The following CACNA2D1 variants were observed in gnomAD, a reference collection of about 807,000 sequenced individuals.
The protein encoded by CACNA2D1 is calcium voltage-gated channel auxiliary subunit alpha2delta 1.
CACNA2D1 carries 53 observed loss-of-function variants against 171.5 expected under a neutral mutation model. The ratio of observed to expected loss-of-function variants is 0.31; its 90% CI spans 0.25 to 0.39. The LOEUF (loss-of-function observed/expected upper bound fraction) is 0.39, where lower values mean the gene tolerates loss of function less well. Ranked by LOEUF, CACNA2D1 falls within the 10% of genes least tolerant of loss-of-function variation. CACNA2D1 has a pLI of 1.00. For synonymous variants in CACNA2D1, 442 were observed against 443.1 expected (o/e 1.00, Z 0.03); for missense variants, 903 against 1,299.8 (o/e 0.69, Z 4.69).
In CACNA2D1 at chr7:82,007,772, G is replaced by C; in HGVS notation, c.1363-16C>G. 1 of 1,413,702 alleles carries C rather than the reference G, an allele frequency of 7.1e-7. No individual in the cohort carries two copies. The highest frequency in any genetic ancestry group is 1.0e-6 in the Non-Finnish European group (1 of 997,704). The allele number at this position is 1,413,702 out of a possible 1,614,324, so 87.6% of individuals were successfully genotyped here. ...GTCCCAGTTCCTAAAAATAGATTCAGAGAGAAAGGGCAAATTAAAATTACA... is the reference window on the plus strand; with the variant it reads ...GTCCCAGTTCCTAAAAATAGATTCACAGAGAAAGGGCAAATTAAAATTACA... On this transcript the variant is annotated splice_polypyrimidine_tract_variant and intron_variant, in intron 15 of 38. Coordinates refer to ENST00000356860, the MANE Select transcript of CACNA2D1 (RefSeq NM_000722.4).
intron 3 of CACNA2D1, among the ~76,000 whole-genome samples, chr7:82,241,265 C>T (rs1402339759): frequency 1.3e-5 from 2 of 152,170 alleles, no homozygotes; most frequent in Non-Finnish European, 2.9e-5. Context: ...AACAGATTAT[C>T]ACTTATTAAA....
intron 3 of CACNA2D1, among the ~76,000 whole-genome samples, chr7:82,305,196 G>A (rs1387511289): frequency 6.6e-6 from 1 of 152,096 alleles, no homozygotes; most frequent in Non-Finnish European, 1.5e-5. Context: ...ACTGTATTTT[G>A]TAAGAGTCTC....
intron 3 of CACNA2D1, among the ~76,000 whole-genome samples, chr7:82,249,942 A>G (rs1805425977): frequency 6.6e-6 from 1 of 152,250 alleles, no homozygotes; most frequent in South Asian, 2.1e-4. Flanking sequence ...TTAGAAAACC[A>G]TGGACTGGGT....
At chr7:82,393,940 A>G (rs1825491301) in intron 1 of CACNA2D1, among the ~76,000 whole-genome samples, 1 of 152,212 alleles carries the variant, frequency 6.6e-6, no homozygotes, top group Admixed American at 6.5e-5. Context: ...CTTTGTTGAA[A>G]TGAGAATTAG....
chr7:82,275,704 A>G (rs1216364900), intron 3 of CACNA2D1, among the ~76,000 whole-genome samples: 2 of 152,196 alleles, frequency 1.3e-5, no homozygotes, highest in African/African-American at 2.4e-5. Flanking sequence ...ACAGGAAGGC[A>G]AAGAGTAGCA....
intron 2 of CACNA2D1, among the ~76,000 whole-genome samples, chr7:82,345,236 G>A (rs1563402424): frequency 2.0e-5 from 3 of 152,062 alleles, no homozygotes; most frequent in Non-Finnish European, 4.4e-5. Flanking sequence ...TACCTTAATT[G>A]AGAGTGTTGA....
intron 3 of CACNA2D1, among the ~76,000 whole-genome samples, chr7:82,278,157 T>A (rs1440799740): frequency 3.3e-5 from 5 of 152,182 alleles, no homozygotes; most frequent in Non-Finnish European, 7.3e-5. Context: ...GATTCCCATA[T>A]AAAAATAGGA....
intron 6 of CACNA2D1, among the ~76,000 whole-genome samples, chr7:82,096,832 T>C (rs993092828): frequency 1.3e-5 from 2 of 152,016 alleles, no homozygotes; most frequent in Non-Finnish European, 2.9e-5. Flanking sequence ...TAAAAATCAC[T>C]ATTTAATAAT....
At chr7:81,953,508 A>G (rs1053099789) in intron 38 of CACNA2D1, among the ~76,000 whole-genome samples, 3 of 152,010 alleles carry the variant, frequency 2.0e-5, no homozygotes, top group Non-Finnish European at 2.9e-5. Context: ...CTCTCCAGGT[A>G]GGGTAAACAG....
intron 3 of CACNA2D1, among the ~76,000 whole-genome samples, chr7:82,242,475 A>C (rs957272584): frequency 4.6e-5 from 7 of 152,134 alleles, no homozygotes; most frequent in Non-Finnish European, 1.5e-5. Context: ...CTTTCAGTCA[A>C]ACAAAGAATT....
intron 4 of CACNA2D1, among the ~76,000 whole-genome samples, chr7:82,167,344 T>G (rs928436676): frequency 3.9e-5 from 6 of 152,060 alleles, no homozygotes; most frequent in African/African-American, 1.4e-4. Flanking sequence ...GATTTATAAG[T>G]TTCAACCACG....
At chr7:82,054,030 A>G (rs1805520858) in intron 10 of CACNA2D1, among the ~76,000 whole-genome samples, 1 of 152,210 alleles carries the variant, frequency 6.6e-6, no homozygotes, top group African/African-American at 2.4e-5. Flanking sequence ...ATTAGTTAAC[A>G]ATTTTCTTCA....
chr7:82,205,573 A>C (rs899321866), intron 3 of CACNA2D1, among the ~76,000 whole-genome samples: 6 of 152,296 alleles, frequency 3.9e-5, no homozygotes, highest in African/African-American at 1.4e-4. Context: ...TAGAATACAC[A>C]CACACACATA....
intron 5 of CACNA2D1, among the ~76,000 whole-genome samples, chr7:82,120,414 T>C (rs1326580792): frequency 6.6e-6 from 1 of 152,180 alleles, no homozygotes; most frequent in Non-Finnish European, 1.5e-5. Context: ...TCGATTACTA[T>C]CCTCAATATC....
chr7:82,158,562 T>C (rs927896145), intron 4 of CACNA2D1, among the ~76,000 whole-genome samples: 32 of 151,986 alleles, frequency 2.1e-4, no homozygotes, highest in African/African-American at 2.4e-5. Context: ...TTGTAAACAA[T>C]GTGACATTAC....
chr7:82,130,321 A>G (rs918724157), intron 5 of CACNA2D1, among the ~76,000 whole-genome samples: 2 of 152,204 alleles, frequency 1.3e-5, no homozygotes, highest in African/African-American at 4.8e-5. Context: ...GCCAAACATT[A>G]TATGTTCCGC....
intron 3 of CACNA2D1, among the ~76,000 whole-genome samples, chr7:82,319,432 A>C (rs1266096089): frequency 6.6e-6 from 1 of 152,224 alleles, no homozygotes; most frequent in African/African-American, 2.4e-5. Flanking sequence ...GCAGTCACTT[A>C]ATGAAAATGA....
chr7:82,360,331 A>C (rs189708204), intron 1 of CACNA2D1, among the ~76,000 whole-genome samples: 305 of 152,318 alleles, frequency 2.0e-3, no homozygotes, highest in African/African-American at 6.5e-3. Flanking sequence ...AGATTTAAAA[A>C]CAAGAATACC....
rs1034481251 is a variant in CACNA2D1, at chr7:82,324,641, T to C, written c.294+10494A>G. On this transcript the variant is annotated intron_variant, in intron 3 of 38. Transcript: ENST00000356860. ...AATCCATAAAGATGCTGCTCCAGTG[T>C]GTAACGTAAGAGAGGAAATGTGATG... Among the ~76,000 whole-genome samples the C allele has an allele frequency of 3.3e-5, 5 of 152,152 alleles. No homozygotes were observed. The East Asian group carries it at 9.7e-4, about 30-fold the overall frequency.
Sources: allele counts gnomAD v4.1 joint callset (sites outside exome capture counted in the v4.1 genomes callset), GRCh38; gene constraint gnomAD v4.1.1; transcripts MANE v1.5; gene names NCBI Gene and HGNC (gene_info 2026-07-23, HGNC 2026-07-21).